LRP2: variants seen among roughly 807,000 people sequenced by gnomAD.
The protein encoded by LRP2 is low-density lipoprotein receptor-related protein 2.
A neutral mutation model predicts 531.0 loss-of-function variants in LRP2; 172 were observed. The observed-to-expected ratio is 0.32, with a 90% CI of 0.29 to 0.37. The LOEUF (loss-of-function observed/expected upper bound fraction) is 0.37, where lower values mean the gene tolerates loss of function less well. LRP2 is among the 10% of genes least tolerant of loss of function. The pLI, the probability that LRP2 is intolerant of heterozygous loss-of-function variation, is 1.00. For missense variants in LRP2, 5,167 were observed against 5,868.3 expected, an observed-to-expected ratio of 0.88 and a Z score of 3.90; for synonymous variants, 1,992 against 2,027.6, an observed-to-expected ratio of 0.98 and a Z score of 0.47.
At position 169,201,715 on chromosome 2, in the gene LRP2, T is replaced by C. The variant is rs1229129492; in HGVS notation, c.8365A>G (p.Asn2789Asp). 1 of 1,614,098 alleles carries C rather than the reference T, an allele frequency of 6.2e-7. No homozygotes were observed. The highest frequency in any genetic ancestry group is 8.5e-7 in the Non-Finnish European group (1 of 1,180,044). ...DCNATTEFMC[N>D]NRRCIPREFI... ...TCACGAGGTATGCACCTTCTGTTATTGCACATAAACTCCGTGGTGGCATTG... is the reference window on the plus strand; with the variant it reads ...TCACGAGGTATGCACCTTCTGTTATCGCACATAAACTCCGTGGTGGCATTG... Residue 2789 changes from asparagine (N) to aspartate (D), a missense_variant, in exon 44 of 79, where the codon AAT (asparagine) becomes GAT (aspartate). Around this residue, in one of 6 missense-constraint regions of LRP2, gnomAD observed 1,129 missense variants for 1,362.7 expected, o/e 0.83. Coordinates refer to ENST00000649046, the MANE Select transcript of LRP2 (RefSeq NM_004525.3).
intron 3 of LRP2, among the ~76,000 whole-genome samples, chr2:169,317,384 A>G (rs1684790034): frequency 6.6e-6 from 1 of 152,226 alleles, no homozygotes; most frequent in South Asian, 2.1e-4. Flanking sequence ...GTATCTATCT[A>G]TTAAGAACCT....
chr2:169,231,589 G>T, intron 31 of LRP2, 125 bp downstream of exon 31: 1 of 1,186,630 alleles, frequency 8.4e-7, no homozygotes, highest in Non-Finnish European at 1.3e-6. Context: ...ACATCATTCT[G>T]CAGACACCTG....
chr2:169,327,503 G>A (rs1255808225), intron 1 of LRP2, among the ~76,000 whole-genome samples: 21 of 118,904 alleles, frequency 1.8e-4, no homozygotes, highest in East Asian at 5.4e-4. Context: ...TCAGCCCCCC[G>A]CCCGGCCAGC....
chr2:169,237,347 A>G, intron 27 of LRP2, 60 bp from the exon 28 acceptor site: 2 of 1,259,180 alleles, frequency 1.6e-6, no homozygotes, highest in East Asian at 2.4e-5. Context: ...GCAAACATGG[A>G]TATTATATAA....
intron 3 of LRP2, among the ~76,000 whole-genome samples, chr2:169,313,650 C>T (rs1236154024): frequency 6.6e-6 from 1 of 152,172 alleles, no homozygotes; most frequent in East Asian, 1.9e-4. Flanking sequence ...TTAGGCTACT[C>T]GGGGGTCAGG....
chr2:169,256,041 T>C (rs1690292287), intron 19 of LRP2, 65 bp downstream of exon 19: 1 of 1,536,486 alleles, frequency 6.5e-7, no homozygotes, highest in Admixed American at 1.7e-5. Context: ...CACATGAGGA[T>C]GAGTTTACTA....
intron 38 of LRP2, among the ~76,000 whole-genome samples, chr2:169,207,619 A>G (rs1220135830): frequency 6.6e-6 from 1 of 152,196 alleles, no homozygotes; most frequent in Non-Finnish European, 1.5e-5. Flanking sequence ...ACATTTTCAT[A>G]GCACAACTTC....
intron 31 of LRP2, among the ~76,000 whole-genome samples, chr2:169,228,638 C>A (rs934848915): frequency 6.6e-6 from 1 of 152,152 alleles, no homozygotes; most frequent in Admixed American, 6.5e-5. Flanking sequence ...TAAGCACCAC[C>A]CGCTTCTACT....
chr2:169,155,727 T>C (rs1402317266), intron 65 of LRP2, among the ~76,000 whole-genome samples: 2 of 152,200 alleles, frequency 1.3e-5, no homozygotes, highest in Non-Finnish European at 2.9e-5. Flanking sequence ...ACCTAAAACG[T>C]AAAACTCATG....
chr2:169,152,939 C>T lies in LRP2; in HGVS notation c.12321G>A (p.Gly4107=). The change falls in exon 67 of 79, where the codon GGG becomes GGA. Residue 4107 remains glycine, a synonymous_variant. Transcript: ENST00000649046. The stretch of plus-strand genomic sequence containing the variant: ...TGATAGCACCAAACCTAGAGCCCTC[C>T]CCTCGCACAGTGTAATACACAACAC... The part of the protein sequence containing the change: ...GLSVVYYTVR[G]EGSRFGAIKR... 2 of 1,613,964 alleles carry T rather than the reference C, an allele frequency of 1.2e-6. No homozygotes were observed. The highest frequency in any genetic ancestry group is 1.1e-5 in the South Asian group (1 of 91,074).
intron 71 of LRP2, 99 bp downstream of exon 71, chr2:169,142,575 T>A: frequency 6.4e-7 from 1 of 1,561,096 alleles, no homozygotes; most frequent in Non-Finnish European, 8.8e-7. Flanking sequence ...CCATCCCCAC[T>A]CTGCTGCAAA....
rs1559037627 is a variant in LRP2, at chr2:169,244,795, G to C, written c.3328C>G (p.Leu1110Val). The change falls in exon 22 of 79, where the codon CTT becomes GTT. Residue 1110 changes from leucine (L) to valine (V), a missense_variant. Leu to Val is a conservative substitution (Grantham distance 32, BLOSUM62 1). This residue lies in a region of LRP2 where 2,811 missense variants were observed against 3,058.0 expected (regional missense o/e 0.92). Coordinates refer to ENST00000649046, the MANE Select transcript of LRP2 (RefSeq NM_004525.3). ...NCPTHAPASC[L>V]DTQYTCDNHQ... The stretch of plus-strand genomic sequence containing the variant: ...TTATCACAGGTGTATTGGGTGTCAA[G>C]GCAGGAAGCAGGTGCGTGGGTGGGG... 6.2e-7 allele frequency: 1 copy of C among 1,614,256 alleles called. No individual in the cohort carries two copies. The highest frequency in any genetic ancestry group is 8.5e-7 in the Non-Finnish European group (1 of 1,180,050).
chr2:169,186,150 T>C (rs573868574), intron 49 of LRP2, 131 bp from the exon 50 acceptor site: 14 of 783,320 alleles, frequency 1.8e-5, no homozygotes, highest in Admixed American at 4.9e-5. Context: ...CAACAAAGAC[T>C]TCCAAAGACT....
intron 49 of LRP2, among the ~76,000 whole-genome samples, chr2:169,187,278 A>T (rs576397057): frequency 2.0e-5 from 3 of 152,338 alleles, no homozygotes; most frequent in African/African-American, 7.2e-5. Flanking sequence ...TCATATAAGG[A>T]TAAAAACTAC....
chr2:169,146,899 T>A lies in LRP2; in HGVS notation c.12651A>T (p.Gly4217=). ...CGAAAACCAGGATGTTGCGGTCCTC[T>A]CCATTCATCCAGGCAGACTCGATTT... is the stretch of plus-strand genomic sequence containing the variant. ...EPKIESAWMN[G]EDRNILVFED... The change falls in exon 69 of 79, where the codon GGA becomes GGT. Residue 4217 remains glycine (G), a synonymous_variant. Coordinates refer to ENST00000649046, the MANE Select transcript of LRP2 (RefSeq NM_004525.3). The A allele has an allele frequency of 6.2e-7, 1 of 1,614,066 alleles. No individual in the cohort carries two copies. The highest frequency in any genetic ancestry group is 8.5e-7 in the Non-Finnish European group (1 of 1,179,998).
intron 4 of LRP2, among the ~76,000 whole-genome samples, chr2:169,302,749 T>TG (rs1418244355): frequency 6.6e-6 from 1 of 151,296 alleles, no homozygotes; most frequent in African/African-American, 2.4e-5. Context: ...CTGGGTTTTT[T>TG]TTTTTAACAA....
At chr2:169,328,530 A>C (rs958939830) in intron 1 of LRP2, among the ~76,000 whole-genome samples, 1 of 151,772 alleles carries the variant, frequency 6.6e-6, no homozygotes, top group East Asian at 1.9e-4. Flanking sequence ...AGAGCCTATA[A>C]GTTTATTGGG....
intron 4 of LRP2, among the ~76,000 whole-genome samples, chr2:169,302,100 T>C (rs1372258585): frequency 3.3e-5 from 5 of 152,166 alleles, no homozygotes; most frequent in Admixed American, 2.6e-4. Context: ...AAGTAATGAT[T>C]TCCATGCATC....
At position 169,243,501 on chromosome 2, in the gene LRP2, G is replaced by A. The variant is rs150552608; in HGVS notation, c.3452C>T (p.Pro1151Leu). The A allele has an allele frequency of 6.6e-3, 10,686 of 1,614,060 alleles. 126 individuals are homozygous for A. The highest frequency in any genetic ancestry group is 0.036 in the Middle Eastern group (219 of 6,062). The change falls in exon 23 of 79, where the codon CCT becomes CTT. Residue 1151 changes from proline to leucine, a missense_variant. Pro to Leu is a moderately conservative substitution (Grantham distance 98). Coordinates refer to ENST00000649046, the MANE Select transcript of LRP2 (RefSeq NM_004525.3). ...ATGATTGGGGCAATTAAACTGACTA[G>A]GTTGGCATGTCTCTGTCGAATCTAA... ...KNCNSTETCQ[P>L]SQFNCPNHRC...
Sources: allele counts gnomAD v4.1 joint callset (sites outside exome capture counted in the v4.1 genomes callset), GRCh38; gene constraint gnomAD v4.1.1; regional missense constraint gnomAD v4.1.1; transcripts MANE v1.5; gene names NCBI Gene and HGNC (gene_info 2026-07-23, HGNC 2026-07-21).